Variants in CELF4 observed in about 807,000 individuals in gnomAD.
CELF4 encodes CUG-BP- and ETR-3-like factor 4.
Under a neutral mutation model 59.9 loss-of-function variants are expected in CELF4, and 18 were observed. The ratio of observed to expected loss-of-function variants is 0.30; its 90% CI spans 0.21 to 0.45. The LOEUF is 0.45. Ranked by LOEUF, CELF4 falls within the 20% of genes least tolerant of loss-of-function variation. CELF4 has a pLI of 1.00. For missense variants in CELF4, 456 were observed against 689.0 expected (o/e 0.66, Z 3.79); for synonymous variants, 261 against 267.1 (o/e 0.98, Z 0.22).
At chr18:37,384,481 G>A (rs533373983) in intron 2 of CELF4, among the ~76,000 whole-genome samples, 125 of 152,142 alleles carry the variant, frequency 8.2e-4, no homozygotes, top group African/African-American at 2.9e-3. Context: ...GGGCGGGCAG[G>A]GACTGAAGCC....
At position 37,565,680 on chromosome 18, in the gene CELF4, A is replaced by T; in HGVS notation, c.-39T>A. The T allele has an allele frequency of 6.7e-7, 1 of 1,496,604 alleles. No homozygotes were observed. The highest frequency in any genetic ancestry group is 8.9e-7 in the Non-Finnish European group (1 of 1,122,646). 92.7% of individuals were successfully genotyped at this position (1,496,604 alleles called of 1,614,324 possible). A position where few individuals can be genotyped will look rare whatever the true frequency, so the allele number is the denominator to read the frequency against. On this transcript the variant is annotated 5_prime_UTR_variant, in exon 1 of 13. Coordinates refer to ENST00000420428, the MANE Select transcript of CELF4 (RefSeq NM_020180.4). The stretch of plus-strand genomic sequence containing the variant: ...TTTCCTTTTATTCTTTCTCGCTCAC[A>T]CTCTCTCGCTCCTCTCTCTCGCTCG...
At position 37,501,861 on chromosome 18, in the gene CELF4, C is replaced by T. The variant is rs543542978; in HGVS notation, c.287-16254G>A. Among the ~76,000 whole-genome samples the T allele has an allele frequency of 2.4e-4, 37 of 152,316 alleles. No individual in the cohort carries two copies. In the East Asian group the frequency reaches 7.1e-3, roughly 29 times the overall value. On this transcript the variant is annotated intron_variant, in intron 1 of 12. Coordinates refer to ENST00000420428, the MANE Select transcript of CELF4 (RefSeq NM_020180.4). ...AACGTTGACCAGCACGGGCTGCCTC[C>T]CGCTTTCCTCTCTCCTTCCATTCCT...
intron 2 of CELF4, among the ~76,000 whole-genome samples, chr18:37,450,777 T>C (rs1489639385): frequency 6.6e-6 from 1 of 152,108 alleles, no homozygotes; most frequent in Non-Finnish European, 1.5e-5. Flanking sequence ...AGGGCCTCGG[T>C]GGTACCTGTC....
At chr18:37,560,768 C>T (rs2099986294) in intron 1 of CELF4, among the ~76,000 whole-genome samples, 2 of 152,202 alleles carry the variant, frequency 1.3e-5, no homozygotes, top group Admixed American at 1.3e-4. Context: ...CATAGAGCCT[C>T]ACAGTTTAAA....
chr18:37,561,099 C>T (rs2099986392), intron 1 of CELF4, among the ~76,000 whole-genome samples: 1 of 152,176 alleles, frequency 6.6e-6, no homozygotes, highest in Non-Finnish European at 1.5e-5. Context: ...ACAGAAGATT[C>T]TATTGCTCTG....
At chr18:37,522,280 G>A (rs921181841) in intron 1 of CELF4, among the ~76,000 whole-genome samples, 1 of 152,166 alleles carries the variant, frequency 6.6e-6, no homozygotes, top group Admixed American at 6.5e-5. Flanking sequence ...GAATCTAAGA[G>A]TTAGCATAGT....
At chr18:37,394,260 C>A (rs1444101577) in intron 2 of CELF4, among the ~76,000 whole-genome samples, 1 of 152,174 alleles carries the variant, frequency 6.6e-6, no homozygotes, top group Non-Finnish European at 1.5e-5. Context: ...GCGCGGGCAG[C>A]GCAGAGCAGG....
chr18:37,280,736 C>A (rs1266249481), intron 3 of CELF4, among the ~76,000 whole-genome samples: 1 of 152,212 alleles, frequency 6.6e-6, no homozygotes, highest in Non-Finnish European at 1.5e-5. Context: ...GTGGTCCCTG[C>A]CTGTGGCAGC....
intron 2 of CELF4, among the ~76,000 whole-genome samples, chr18:37,348,720 A>T (rs2098359654): frequency 6.6e-6 from 1 of 152,154 alleles, no homozygotes; most frequent in Non-Finnish European, 1.5e-5. Flanking sequence ...ATCGGGGGTC[A>T]TTCCTGGTCT....
At chr18:37,305,059 G>A (rs748357294) in intron 3 of CELF4, among the ~76,000 whole-genome samples, 97 of 152,178 alleles carry the variant, frequency 6.4e-4, no homozygotes, top group Non-Finnish European at 1.1e-3. Context: ...GGGAACAGGA[G>A]GAGGAGAAGG....
chr18:37,350,713 G>A (rs1038086706), intron 2 of CELF4, among the ~76,000 whole-genome samples: 6 of 152,186 alleles, frequency 3.9e-5, no homozygotes, highest in Non-Finnish European at 8.8e-5. Flanking sequence ...AGATGACCTC[G>A]CAAGGGTCCC....
intron 3 of CELF4, among the ~76,000 whole-genome samples, chr18:37,314,114 G>A (rs186966876): frequency 6.6e-6 from 1 of 152,308 alleles, no homozygotes; most frequent in East Asian, 1.9e-4. Context: ...GAGAGACAGG[G>A]ACACAGAGAC....
At chr18:37,489,176 C>T (rs1163028497) in intron 1 of CELF4, among the ~76,000 whole-genome samples, 2 of 152,260 alleles carry the variant, frequency 1.3e-5, no homozygotes, top group Admixed American at 6.5e-5. Context: ...CCAGCCCATC[C>T]GATGCAGCGG....
In CELF4 at chr18:37,292,699, A is replaced by C. The variant is rs557052941; in HGVS notation, c.449-17456T>G. ...CGAGAAAATAATGAAGAAATCCATT[A>C]CAAAGTCATAAAGTAACTAAGTCAA... is the stretch of plus-strand genomic sequence containing the variant. On this transcript the variant is annotated intron_variant, in intron 3 of 12. Transcript: ENST00000420428. Among the ~76,000 whole-genome samples the C allele has an allele frequency of 5.9e-5, 9 of 152,366 alleles. No homozygotes were observed. In the East Asian group the frequency reaches 7.7e-4, roughly 13 times the overall value.
intron 2 of CELF4, among the ~76,000 whole-genome samples, chr18:37,407,562 T>A (rs75870231): frequency 0.01 from 1,559 of 150,450 alleles, 13 homozygotes; most frequent in Middle Eastern, 0.041. Context: ...TATATGTGTA[T>A]ATATATGTGT....
At chr18:37,394,890 G>A (rs1048024658) in intron 2 of CELF4, among the ~76,000 whole-genome samples, 3 of 149,570 alleles carry the variant, frequency 2.0e-5, no homozygotes, top group Non-Finnish European at 4.4e-5. Flanking sequence ...CTCCCTCCCT[G>A]GCAGGCCTGT....
intron 3 of CELF4, among the ~76,000 whole-genome samples, chr18:37,306,953 C>G (rs1268853209): frequency 3.9e-5 from 6 of 152,154 alleles, no homozygotes; most frequent in Admixed American, 1.3e-4. Flanking sequence ...ATGCTGGGGC[C>G]CAGGGAGAGG....
At chr18:37,262,085 G>A (rs550928471) in intron 10 of CELF4, among the ~76,000 whole-genome samples, 6 of 152,208 alleles carry the variant, frequency 3.9e-5, no homozygotes, top group African/African-American at 1.4e-4. Context: ...TTTTAATCCC[G>A]CTGTTCCCCC....
intron 2 of CELF4, among the ~76,000 whole-genome samples, chr18:37,446,270 T>G (rs539604421): frequency 6.6e-6 from 1 of 152,276 alleles, no homozygotes; most frequent in South Asian, 2.1e-4. Flanking sequence ...ACGGATGGAT[T>G]TGGAGATCAA....
Sources: allele counts gnomAD v4.1 joint callset (sites outside exome capture counted in the v4.1 genomes callset), GRCh38; gene constraint gnomAD v4.1.1; transcripts MANE v1.5; gene names NCBI Gene and HGNC (gene_info 2026-07-23, HGNC 2026-07-21).